MAPK8IP3: variants seen among roughly 807,000 people sequenced by gnomAD.
MAPK8IP3 encodes mitogen-activated protein kinase 8 interacting protein 3, also known as C-Jun-amino-terminal kinase-interacting protein 3.
MAPK8IP3 carries 49 observed loss-of-function variants against 157.8 expected under a neutral mutation model. The observed-to-expected ratio is 0.31, with a 90% CI of 0.25 to 0.39. The LOEUF is 0.39. MAPK8IP3 is among the 10% of genes least tolerant of loss of function. The pLI is 1.00. For missense variants in MAPK8IP3, 1,478 were observed against 1,889.4 expected, an observed-to-expected ratio of 0.78 and a Z score of 4.04; for synonymous variants, 897 against 777.7, an observed-to-expected ratio of 1.15 and a Z score of -2.55.
chr16:1,718,721 A>G (rs1283160904), intron 1 of MAPK8IP3, among the ~76,000 whole-genome samples: 1 of 151,364 alleles, frequency 6.6e-6, no homozygotes, highest in Non-Finnish European at 1.5e-5. Context: ...TGAACCTGGG[A>G]GATGGAGGTT....
intron 4 of MAPK8IP3, among the ~76,000 whole-genome samples, chr16:1,731,778 A>G (rs1458418028): frequency 1.3e-5 from 2 of 152,200 alleles, no homozygotes; most frequent in African/African-American, 4.8e-5. Context: ...TGAGATCACA[A>G]TCTTATACGC....
At chr16:1,768,005 G>A in intron 28 of MAPK8IP3, 64 bp from the exon 29 acceptor site, 1 of 1,610,364 alleles carries the variant, frequency 6.2e-7, no homozygotes. Flanking sequence ...CCACCTTGGA[G>A]GGTGCCTTGC....
rs2038722364 is a variant in MAPK8IP3 at position 1,724,274 on chromosome 16, A to G, written c.319-283A>G. On this transcript the variant is annotated intron_variant, in intron 1 of 31. Transcript: ENST00000610761. The surrounding 1 kb of genome is among the most constrained non-coding windows in gnomAD (Gnocchi z 4.1). ...ACGAAGGCAGCCGTAATTGGAAACA[A>G]CAGGCTCCCTTCACAGCAAATCCTC... 6.6e-6 allele frequency among the ~76,000 whole-genome samples: 1 copy of G among 152,260 alleles called. No homozygotes were observed.
At chr16:1,756,418 T>C (rs889670191) in intron 8 of MAPK8IP3, among the ~76,000 whole-genome samples, 12 of 151,808 alleles carry the variant, frequency 7.9e-5, no homozygotes, top group African/African-American at 2.2e-4. Context: ...ATGGGGAGGA[T>C]TGCTTAAGCC....
In MAPK8IP3 at chr16:1,766,043, C is replaced by T. The variant is rs1363601993; in HGVS notation, c.2530C>T (p.Leu844=). The change falls in exon 21 of 32, where the codon CTG becomes TTG. Residue 844 remains leucine, a synonymous_variant. Transcript: ENST00000610761. ...AGAGGACCCGGGCGCAGATGGCGTG[C>T]TGGCCGGTATCACCCTGGTGGGCTG... ...NPEDPGADGV[L]AGITLVGCAT... 3 of 1,612,736 alleles carry T rather than the reference C, an allele frequency of 1.9e-6. No individual in the cohort carries two copies. The highest frequency in any genetic ancestry group is 3.3e-4 in the Middle Eastern group (2 of 6,084).
chr16:1,761,623 C>T, intron 13 of MAPK8IP3, among the ~76,000 whole-genome samples: 3 of 140,720 alleles, frequency 2.1e-5, no homozygotes, highest in Non-Finnish European at 4.6e-5. Context: ...CATTCACAGG[C>T]GGGGCGGCCA....
chr16:1,729,651 C>T, intron 4 of MAPK8IP3, 73 bp downstream of exon 4: 2 of 1,400,124 alleles, frequency 1.4e-6, no homozygotes, highest in Non-Finnish European at 2.0e-6. Flanking sequence ...CGGCACATGC[C>T]AGGGTCGTAG....
At position 1,769,017 on chromosome 16, in the gene MAPK8IP3, G is replaced by A. The variant is rs571597315; in HGVS notation, c.*193G>A. On this transcript the variant is annotated 3_prime_UTR_variant, in exon 32 of 32. Coordinates refer to ENST00000610761, the MANE Select transcript of MAPK8IP3 (RefSeq NM_001318852.2). ...GATCAGCTGGGAGGAGGAGGGGAGG[G>A]GAACTTCCACCCGAGGGGAAGATGC... 2.1e-5 allele frequency: 14 copies of A among 656,236 alleles called. No individual in the cohort carries two copies. The African/African-American group carries it at 2.4e-4, about 11-fold the overall frequency. 40.7% of individuals were successfully genotyped at this position (656,236 alleles called of 1,614,324 possible).
rs766217889 is a variant in MAPK8IP3 at position 1,766,394 on chromosome 16, G to A, written c.2804G>A (p.Gly935Asp). 5.0e-6 allele frequency: 8 copies of A among 1,610,266 alleles called. No individual in the cohort carries two copies. The highest frequency in any genetic ancestry group is 8.5e-7 in the Non-Finnish European group (1 of 1,178,436). The change falls in exon 22 of 32, where the codon GGC becomes GAC. Residue 935 changes from glycine (G) to aspartate (D), a missense_variant. Transcript: ENST00000610761. ...FTDPAPTPSS[G>D]PQPGSENGPE... ...GACCCAGCCCCGACCCCGTCCTCTG[G>A]CCCCCAGCCTGGCAGGTGAGCTCTT...
intron 8 of MAPK8IP3, among the ~76,000 whole-genome samples, chr16:1,755,864 A>AT: frequency 6.6e-6 from 1 of 152,080 alleles, no homozygotes; most frequent in East Asian, 1.9e-4. Context: ...AAAAAAAAAA[A>AT]AAAAGGAAAA....
Position 1,742,277 on chromosome 16 carries a change from C to A in MAPK8IP3, c.603-1055C>A, listed in dbSNP as rs1009561404. 1.4e-4 allele frequency among the ~76,000 whole-genome samples: 21 copies of A among 152,292 alleles called. No individual in the cohort carries two copies. Among genetic ancestry groups the A allele is most frequent in the African/African-American group, 4.8e-4 (20 of 41,560 alleles). ...AGGGAGACCTTGGGCTCCATCCCTG[C>A]TCTTGCTTATGGCCCACAGGAGGTC... On this transcript the variant is annotated intron_variant, in intron 4 of 31. Transcript: ENST00000610761. The surrounding 1 kb of genome is among the most constrained non-coding windows in gnomAD (Gnocchi z 5.0).
chr16:1,715,755 G>A (rs1215950573), intron 1 of MAPK8IP3, among the ~76,000 whole-genome samples: 2 of 150,774 alleles, frequency 1.3e-5, no homozygotes, highest in Admixed American at 6.6e-5. Flanking sequence ...TTGAGATGGA[G>A]TCTCACTCTG....
At chr16:1,750,648 A>ATT (rs11320517) in intron 8 of MAPK8IP3, among the ~76,000 whole-genome samples, 1 of 145,584 alleles carries the variant, frequency 6.9e-6, no homozygotes, top group African/African-American at 2.5e-5. Context: ...TGCTATAATG[A>ATT]TTTTTTTTTT....
At chr16:1,766,833 G>T in intron 24 of MAPK8IP3, 30 bp downstream of exon 24, 2 of 1,612,430 alleles carry the variant, frequency 1.2e-6, no homozygotes, top group Non-Finnish European at 1.7e-6. Flanking sequence ...GGGCCGGGCG[G>T]CGCGGGGGAA....
In MAPK8IP3 at chr16:1,706,215, CG is replaced by C. The variant is rs2037376133; in HGVS notation, c.-123del. 1 of 792,448 alleles carries C rather than the reference CG, an allele frequency of 1.3e-6. No individual in the cohort carries two copies. Among genetic ancestry groups the C allele is most frequent in the South Asian group, 4.5e-5 (1 of 22,280 alleles). 49.1% of individuals were successfully genotyped at this position (792,448 alleles called of 1,614,324 possible). On this transcript the variant is annotated 5_prime_UTR_variant, in exon 1 of 32. Transcript: ENST00000610761. This position sits in a 1 kb window ranked among gnomAD's most constrained non-coding sequence, Gnocchi z 5.1. ...GGCGCAGCCTCGGCAGCGGCGGCGG[CG>C]GAGCCCTGAGGCGACAGCAGCTGCG...
intron 1 of MAPK8IP3, among the ~76,000 whole-genome samples, chr16:1,717,920 CA>C (rs1354573914): frequency 6.6e-6 from 1 of 151,810 alleles, no homozygotes; most frequent in Admixed American, 6.6e-5. Flanking sequence ...GGCACGATCT[CA>C]GCTCACTGCA....
At position 1,710,507 on chromosome 16, in the gene MAPK8IP3, A is replaced by G. The variant is rs2037702810; in HGVS notation, c.318+3850A>G. ...TAAATAGATAAAAATAAATAAATAA[A>G]TGTCATCCATTTCATAGACTATTTG... On this transcript the variant is annotated intron_variant, in intron 1 of 31. Coordinates refer to ENST00000610761, the MANE Select transcript of MAPK8IP3 (RefSeq NM_001318852.2). The surrounding 1 kb of genome is among the most constrained non-coding windows in gnomAD (Gnocchi z 4.1). Among the ~76,000 whole-genome samples the G allele has an allele frequency of 1.3e-5, 2 of 152,002 alleles. No individual in the cohort carries two copies. The highest frequency in any genetic ancestry group is 2.4e-5 in the African/African-American group (1 of 41,384).
In MAPK8IP3 at chr16:1,766,716, T is replaced by G; in HGVS notation, c.2940-7T>G. 1 of 1,612,688 alleles carries G rather than the reference T, an allele frequency of 6.2e-7. No homozygotes were observed. Among genetic ancestry groups the G allele is most frequent in the South Asian group, 1.1e-5 (1 of 91,088 alleles). On this transcript the variant is annotated splice_polypyrimidine_tract_variant and splice_region_variant and intron_variant, in intron 23 of 31. Coordinates refer to ENST00000610761, the MANE Select transcript of MAPK8IP3 (RefSeq NM_001318852.2). ...AGCCCCTCGCCCATCGCCGCTTCCT[T>G]CCCTAGGCTCTATGTGCACTCGGCT... is the stretch of plus-strand genomic sequence containing the variant.
At chr16:1,766,878 C>T in intron 24 of MAPK8IP3, 26 bp from the exon 25 acceptor site, 1 of 1,608,786 alleles carries the variant, frequency 6.2e-7, no homozygotes, top group African/African-American at 1.3e-5. Context: ...CTGGCCCAAA[C>T]CAGGCTCACC....
Sources: gnomAD v4.1 joint callset for allele counts (sites outside exome capture counted in the v4.1 genomes callset) on GRCh38, gnomAD v4.1.1 for gene constraint, Gnocchi (gnomAD v3.1) non-coding constraint, MANE v1.5 for transcripts, NCBI Gene and HGNC (gene_info 2026-07-23, HGNC 2026-07-21) for gene names.